ATG10: variants seen among roughly 807,000 people sequenced by gnomAD.
ATG10 encodes the protein ubiquitin-like-conjugating enzyme ATG10.
A neutral mutation model predicts 32.1 loss-of-function variants in ATG10; 30 were observed. The observed-to-expected ratio is 0.94, with a 90% CI of 0.70 to 1.27. The LOEUF is 1.27. Among genes scored for constraint, ATG10 ranks in the 50% most tolerant of loss-of-function variants. The probability of loss-of-function intolerance (pLI) is 0.00; values close to 1 mark genes in which losing one functional copy is unlikely to be tolerated. For missense variants in ATG10, 233 were observed against 262.3 expected, an observed-to-expected ratio of 0.89 and a Z score of 0.77; for synonymous variants, 87 against 91.5, an observed-to-expected ratio of 0.95 and a Z score of 0.28.
chr5:82,099,413 C>T (rs1765182564), intron 3 of ATG10, among the ~76,000 whole-genome samples: 1 of 151,680 alleles, frequency 6.6e-6, no homozygotes, highest in Admixed American at 6.6e-5. Flanking sequence ...GAAATAAATA[C>T]ATTAATATAT....
intron 5 of ATG10, among the ~76,000 whole-genome samples, chr5:82,201,626 C>G (rs776676672): frequency 1.3e-5 from 2 of 152,154 alleles, no homozygotes; most frequent in African/African-American, 2.4e-5. Context: ...CAAGAAGGAA[C>G]CTTTAACTTT....
chr5:82,153,752 T>C (rs1307107365), intron 3 of ATG10, among the ~76,000 whole-genome samples: 3 of 152,144 alleles, frequency 2.0e-5, no homozygotes, highest in Non-Finnish European at 4.4e-5. Context: ...TTTTCTCTAA[T>C]AGTATTTGTT....
Position 82,139,148 on chromosome 5 carries a change from A to G in ATG10, c.217-25251A>G, listed in dbSNP as rs1477809518. 7.0e-5 allele frequency among the ~76,000 whole-genome samples: 10 copies of G among 142,964 alleles called. No individual in the cohort carries two copies. In the South Asian group the frequency reaches 9.3e-4, roughly 13 times the overall value. The allele number at this position is 142,964 out of a possible 152,430, so 93.8% of individuals were successfully genotyped here. ...CGGAGTCTCGTTCACTCAGTGCTCA[A>G]TGGTGCCCAGGCTGGAGTGCAGTGG... is the stretch of plus-strand genomic sequence containing the variant. On this transcript the variant is annotated intron_variant, in intron 3 of 7. Transcript: ENST00000282185.
intron 5 of ATG10, among the ~76,000 whole-genome samples, chr5:82,201,968 G>T (rs969214373): frequency 3.6e-4 from 55 of 152,092 alleles, no homozygotes; most frequent in Non-Finnish European, 1.0e-4. Context: ...ATTAATTTTT[G>T]TATATTGTCC....
chr5:82,052,460 C>T (rs541415672), intron 2 of ATG10, among the ~76,000 whole-genome samples: 3 of 152,244 alleles, frequency 2.0e-5, no homozygotes, highest in African/African-American at 7.2e-5. Context: ...GACATTTTCT[C>T]CTTAGAAGTT....
At chr5:82,037,242 T>C (rs1321048102) in intron 2 of ATG10, among the ~76,000 whole-genome samples, 2 of 55,760 alleles carry the variant, frequency 3.6e-5, no homozygotes, top group Non-Finnish European at 7.1e-5. Context: ...TACTTTTTTT[T>C]TTTTTTTTTT....
chr5:81,993,360 C>T (rs59207804), intron 2 of ATG10, among the ~76,000 whole-genome samples: 8,075 of 46,350 alleles, frequency 0.17, 1,443 homozygotes, highest in African/African-American at 0.32. Flanking sequence ...TCTTTCTTTC[C>T]TTCTTTTCTT....
chr5:82,248,909 TATATAA>T (rs1248843568), intron 5 of ATG10, among the ~76,000 whole-genome samples: 6 of 151,740 alleles, frequency 4.0e-5, no homozygotes, highest in Non-Finnish European at 8.8e-5. Context: ...TCTATTTAAT[TATATAA>T]ATATAAGGTC....
At chr5:82,139,602 C>T (rs1421178860) in intron 3 of ATG10, among the ~76,000 whole-genome samples, 1 of 149,422 alleles carries the variant, frequency 6.7e-6, no homozygotes, top group Non-Finnish European at 1.5e-5. Flanking sequence ...GCCTCTCCGC[C>T]CGGCAGCCAC....
intron 2 of ATG10, among the ~76,000 whole-genome samples, chr5:82,020,056 CA>C (rs1225040231): frequency 6.6e-6 from 1 of 152,202 alleles, no homozygotes; most frequent in Non-Finnish European, 1.5e-5. Flanking sequence ...GGGGAGTTAG[CA>C]GCTGTGTGTC....
At chr5:82,008,413 TTGAG>T (rs1762038783) in intron 2 of ATG10, among the ~76,000 whole-genome samples, 1 of 152,174 alleles carries the variant, frequency 6.6e-6, no homozygotes, top group Non-Finnish European at 1.5e-5. Context: ...TCATAATTTA[TTGAG>T]TGTTATGATT....
intron 3 of ATG10, among the ~76,000 whole-genome samples, chr5:82,141,327 T>C (rs1040914563): frequency 5.3e-5 from 8 of 152,190 alleles, no homozygotes; most frequent in Non-Finnish European, 1.0e-4. Context: ...TTTTAAAGGA[T>C]TTCTTGAACT....
chr5:82,029,206 G>T (rs1260605677), intron 2 of ATG10, among the ~76,000 whole-genome samples: 3 of 152,140 alleles, frequency 2.0e-5, no homozygotes, highest in African/African-American at 7.2e-5. Context: ...GATGAGAAAG[G>T]CATTTCCATC....
intron 3 of ATG10, among the ~76,000 whole-genome samples, chr5:82,070,977 C>A (rs1489595936): frequency 1.3e-5 from 2 of 152,158 alleles, no homozygotes; most frequent in African/African-American, 2.4e-5. Context: ...ACACTACTGA[C>A]TAAGCCCCTT....
chr5:82,036,487 G>A (rs1281320261), intron 2 of ATG10, among the ~76,000 whole-genome samples: 3 of 152,048 alleles, frequency 2.0e-5, no homozygotes, highest in African/African-American at 4.8e-5. Flanking sequence ...CCAGCTACTC[G>A]GGAGGCTGAG....
Position 82,136,936 on chromosome 5 carries a change from C to A in ATG10, c.217-27463C>A, listed in dbSNP as rs191163173. ...TTTCATTCTTTTTCTCTAATCTTGT[C>A]TTCATGCTTCATTTCATTAAGTTGA... On this transcript the variant is annotated intron_variant, in intron 3 of 7. Coordinates refer to ENST00000282185, the MANE Select transcript of ATG10 (RefSeq NM_031482.5). Among the ~76,000 whole-genome samples the A allele has an allele frequency of 3.2e-4, 49 of 152,096 alleles. 1 individual carries two copies. Among genetic ancestry groups the A allele is most frequent in the Admixed American group, 2.5e-3 (38 of 15,256 alleles).
At chr5:82,192,948 A>G (rs1361337235) in intron 5 of ATG10, among the ~76,000 whole-genome samples, 1 of 152,202 alleles carries the variant, frequency 6.6e-6, no homozygotes, top group East Asian at 1.9e-4. Context: ...AAAAAACTGA[A>G]TTCTCTGGTA....
chr5:82,166,147 G>A (rs1244907229), intron 4 of ATG10, among the ~76,000 whole-genome samples: 1 of 152,150 alleles, frequency 6.6e-6, no homozygotes, highest in African/African-American at 2.4e-5. Flanking sequence ...GTTCCTGCAA[G>A]TCCAATTATA....
intron 3 of ATG10, among the ~76,000 whole-genome samples, chr5:82,071,635 A>G (rs1425081881): frequency 6.6e-6 from 1 of 152,128 alleles, no homozygotes; most frequent in Non-Finnish European, 1.5e-5. Context: ...AGAGGTGCAC[A>G]TGGTGATACG....
Sources: gnomAD v4.1 joint callset for allele counts (sites outside exome capture counted in the v4.1 genomes callset) on GRCh38, gnomAD v4.1.1 for gene constraint, MANE v1.5 for transcripts, NCBI Gene and HGNC (gene_info 2026-07-23, HGNC 2026-07-21) for gene names.